PTPRN2: variants seen among roughly 807,000 people sequenced by gnomAD.
PTPRN2 encodes the protein protein tyrosine phosphatase receptor type N2.
In PTPRN2, 74 loss-of-function variants were observed where a neutral mutation model predicts 118.8. The ratio of observed to expected loss-of-function variants is 0.62; its 90% CI spans 0.52 to 0.76. The LOEUF (loss-of-function observed/expected upper bound fraction) is 0.76. Ranked by LOEUF, PTPRN2 falls within the 30% of genes least tolerant of loss-of-function variation. PTPRN2 has a pLI of 0.00. For synonymous variants in PTPRN2, 641 were observed against 608.0 expected (o/e 1.05, Z -0.80); for missense variants, 1,481 against 1,394.4 (o/e 1.06, Z -0.99).
intron 12 of PTPRN2, among the ~76,000 whole-genome samples, chr7:157,851,528 G>A (rs536363533): frequency 9.0e-4 from 135 of 149,382 alleles, no homozygotes; most frequent in Non-Finnish European, 1.0e-3. Context: ...GTCCCTATCC[G>A]CTGTAAGAAA....
At chr7:158,202,541 G>A (rs1170075016) in intron 4 of PTPRN2, among the ~76,000 whole-genome samples, 1 of 152,160 alleles carries the variant, frequency 6.6e-6, no homozygotes, top group Non-Finnish European at 1.5e-5. Context: ...CCCCACCAAA[G>A]CCAGAGGCCC....
At position 157,808,128 on chromosome 7, in the gene PTPRN2, G is replaced by A. The variant is rs556346828; in HGVS notation, c.1788+90545C>T. On this transcript the variant is annotated intron_variant, in intron 12 of 22. Transcript: ENST00000389418. This position sits in a 1 kb window ranked among gnomAD's most constrained non-coding sequence, Gnocchi z 5.0. ...CAGGCATCCCCAGCCTCTGGGCCAC[G>A]GACTGACACCAGTCTGTGGCCTGTT... Among the ~76,000 whole-genome samples, 9 of 152,238 alleles carry A rather than the reference G, an allele frequency of 5.9e-5. No homozygotes were observed. Among genetic ancestry groups the A allele is most frequent in the East Asian group, 3.9e-4 (2 of 5,172 alleles).
At chr7:158,191,706 C>A (rs1029065223) in intron 5 of PTPRN2, among the ~76,000 whole-genome samples, 8 of 152,214 alleles carry the variant, frequency 5.3e-5, no homozygotes, top group Admixed American at 2.0e-4. Context: ...CGGGTCCTTG[C>A]AGCTCCCACT....
At chr7:158,068,270 C>T (rs1051610189) in intron 11 of PTPRN2, among the ~76,000 whole-genome samples, 2 of 152,322 alleles carry the variant, frequency 1.3e-5, no homozygotes, top group African/African-American at 2.4e-5. Context: ...CTGATCAGGC[C>T]CACTGGGTGC....
At chr7:157,645,954 G>C (rs887930154) in intron 14 of PTPRN2, among the ~76,000 whole-genome samples, 4 of 152,238 alleles carry the variant, frequency 2.6e-5, no homozygotes, top group Non-Finnish European at 5.9e-5. Context: ...CTGTAAAGCT[G>C]CTTTTGAAAA....
At chr7:158,270,823 T>C (rs1335116652) in intron 3 of PTPRN2, among the ~76,000 whole-genome samples, 53 of 9,578 alleles carry the variant, frequency 5.5e-3, no homozygotes, top group East Asian at 0.019. Context: ...GACCGCCCCC[T>C]CCACCTGGAT....
intron 6 of PTPRN2, among the ~76,000 whole-genome samples, chr7:158,166,316 GCCGCGTTCC>G (rs1563546601): frequency 4.9e-4 from 10 of 20,482 alleles, no homozygotes; most frequent in South Asian, 2.0e-3. Context: ...CCCCCCGGCC[GCCGCGTTCC>G]CTGTCCTCAC....
intron 3 of PTPRN2, among the ~76,000 whole-genome samples, chr7:158,315,187 A>T (rs1802206556): frequency 1.4e-5 from 2 of 143,494 alleles, no homozygotes; most frequent in Non-Finnish European, 3.0e-5. Flanking sequence ...CCCCTGAAGG[A>T]CAGAGGTGAA....
intron 11 of PTPRN2, among the ~76,000 whole-genome samples, chr7:158,025,153 G>C (rs183400111): frequency 1.3e-4 from 20 of 152,286 alleles, no homozygotes; most frequent in African/African-American, 4.1e-4. Flanking sequence ...AAAACACCCT[G>C]CACTTTAGGA....
At chr7:158,146,736 G>C (rs978618634) in intron 6 of PTPRN2, among the ~76,000 whole-genome samples, 3 of 148,418 alleles carry the variant, frequency 2.0e-5, no homozygotes, top group South Asian at 2.2e-4. Flanking sequence ...AAAAAAAAAA[G>C]AAAGAAAAAA....
At chr7:158,441,449 CAGTGGTGGT>C (rs1249222768) in intron 2 of PTPRN2, among the ~76,000 whole-genome samples, 1 of 28,528 alleles carries the variant, frequency 3.5e-5, no homozygotes, top group African/African-American at 1.5e-4. Flanking sequence ...GCAGTGGTGG[CAGTGGTGGT>C]GATAGTGATG....
chr7:158,115,866 A>G (rs1423579564), intron 9 of PTPRN2, among the ~76,000 whole-genome samples: 1 of 152,228 alleles, frequency 6.6e-6, no homozygotes, highest in Non-Finnish European at 1.5e-5. Context: ...AGGTGAAGAT[A>G]TGACAAGACT....
At chr7:158,513,980 C>T (rs1823358119) in intron 1 of PTPRN2, among the ~76,000 whole-genome samples, 1 of 152,190 alleles carries the variant, frequency 6.6e-6, no homozygotes, top group Non-Finnish European at 1.5e-5. Context: ...GATTTTGAAG[C>T]CCTCTCACTA....
At chr7:157,548,830 G>C (rs1798453194) in intron 22 of PTPRN2, 116 bp downstream of exon 22, 2 of 1,079,828 alleles carry the variant, frequency 1.9e-6, no homozygotes, top group Admixed American at 3.7e-5. Context: ...GGTCAGAGCA[G>C]AGCAATCGGT....
chr7:158,359,676 C>T (rs76774244), intron 2 of PTPRN2, among the ~76,000 whole-genome samples: 1 of 152,172 alleles, frequency 6.6e-6, no homozygotes, highest in Admixed American at 6.5e-5. Flanking sequence ...AAAACCCAGC[C>T]TCAGCACAGT....
At chr7:158,441,818 G>C (rs1817304387) in intron 2 of PTPRN2, among the ~76,000 whole-genome samples, 2 of 147,992 alleles carry the variant, frequency 1.4e-5, no homozygotes, top group Non-Finnish European at 3.0e-5. Flanking sequence ...GGTGGTGATG[G>C]TGATAGTGAT....
intron 10 of PTPRN2, among the ~76,000 whole-genome samples, chr7:158,095,994 G>C (rs979729207): frequency 6.6e-6 from 1 of 152,224 alleles, no homozygotes; most frequent in African/African-American, 2.4e-5. Context: ...TTTACCCAAT[G>C]CTTCACACTT....
intron 12 of PTPRN2, among the ~76,000 whole-genome samples, chr7:157,755,059 T>C (rs1054925120): frequency 6.6e-6 from 1 of 152,160 alleles, no homozygotes; most frequent in African/African-American, 2.4e-5. Flanking sequence ...CTAATTTTTA[T>C]AATTTTTGTA....
rs967462026 is a variant in PTPRN2 at position 158,210,698 on chromosome 7, A to G, written c.278-5425T>C. Reference sequence around the variant, plus strand: ...AGGCTACTATGAGCAACTACATGCCAGTAAATTAGAAAACCCAGAAGAAAT... The same window carrying G: ...AGGCTACTATGAGCAACTACATGCCGGTAAATTAGAAAACCCAGAAGAAAT... On this transcript the variant is annotated intron_variant, in intron 3 of 22. Coordinates refer to ENST00000389418, the MANE Select transcript of PTPRN2 (RefSeq NM_002847.5). Among the ~76,000 whole-genome samples the G allele has an allele frequency of 2.6e-5, 4 of 152,200 alleles. No individual in the cohort carries two copies. In the South Asian group the frequency reaches 8.3e-4, roughly 31 times the overall value.
Sources: allele counts gnomAD v4.1 joint callset (sites outside exome capture counted in the v4.1 genomes callset), GRCh38; gene constraint gnomAD v4.1.1; non-coding constraint Gnocchi (gnomAD v3.1); transcripts MANE v1.5; gene names NCBI Gene and HGNC (gene_info 2026-07-23, HGNC 2026-07-21).